The following LRRTM4 variants were observed in gnomAD, a reference collection of about 807,000 sequenced individuals.
LRRTM4 encodes the protein leucine rich repeat transmembrane neuronal 4.
Under a neutral mutation model 47.6 loss-of-function variants are expected in LRRTM4, and 25 were observed. The ratio of observed to expected loss-of-function variants is 0.53; its 90% confidence interval spans 0.38 to 0.73. LRRTM4 has a LOEUF of 0.73. Among genes scored for constraint, LRRTM4 ranks in the 30% least tolerant of loss-of-function variants. The pLI is 0.00. For synonymous variants in LRRTM4, 311 were observed against 269.5 expected (o/e 1.15, Z -1.51); for missense variants, 638 against 713.4 (o/e 0.89, Z 1.20).
At chr2:76,841,391 G>A (rs555456084) in intron 3 of LRRTM4, among the ~76,000 whole-genome samples, 145 of 151,886 alleles carry the variant, frequency 9.5e-4, no homozygotes, top group African/African-American at 3.3e-3. Flanking sequence ...AAGCCTGCAC[G>A]TTGTGCACAT....
chr2:76,964,537 G>T (rs1171116934), intron 3 of LRRTM4, among the ~76,000 whole-genome samples: 1 of 150,632 alleles, frequency 6.6e-6, no homozygotes, highest in Non-Finnish European at 1.5e-5. Context: ...TTCTACAGGG[G>T]TCTGTACTCC....
chr2:77,005,047 C>G (rs1677586072), intron 3 of LRRTM4, among the ~76,000 whole-genome samples: 1 of 152,100 alleles, frequency 6.6e-6, no homozygotes, highest in Non-Finnish European at 1.5e-5. Context: ...ATGGAAGGGA[C>G]TTGCCTCGTC....
chr2:76,978,130 T>C (rs1011250597), intron 3 of LRRTM4, among the ~76,000 whole-genome samples: 1 of 151,982 alleles, frequency 6.6e-6, no homozygotes, highest in Non-Finnish European at 1.5e-5. Flanking sequence ...CCTCTCATAG[T>C]TTTCTTTCTT....
chr2:77,157,469 C>T (rs1672590228), intron 3 of LRRTM4, among the ~76,000 whole-genome samples: 1 of 152,058 alleles, frequency 6.6e-6, no homozygotes, highest in South Asian at 2.1e-4. Context: ...ACTTGTTTTT[C>T]TTGTTTCTGA....
intron 3 of LRRTM4, among the ~76,000 whole-genome samples, chr2:76,752,234 T>C (rs906910061): frequency 2.6e-5 from 4 of 152,164 alleles, no homozygotes; most frequent in Admixed American, 2.0e-4. Flanking sequence ...TAAGTGAACA[T>C]TGTTGAATTT....
At chr2:76,929,650 G>A (rs1225747838) in intron 3 of LRRTM4, among the ~76,000 whole-genome samples, 1 of 152,108 alleles carries the variant, frequency 6.6e-6, no homozygotes, top group Non-Finnish European at 1.5e-5. Context: ...TTAAACAAGT[G>A]AAGTCCAGCA....
chr2:77,476,013 G>A (rs1156405402), intron 3 of LRRTM4, among the ~76,000 whole-genome samples: 1 of 151,370 alleles, frequency 6.6e-6, no homozygotes, highest in Non-Finnish European at 1.5e-5. Flanking sequence ...TAATTTTAAG[G>A]TTTCATACAC....
intron 3 of LRRTM4, among the ~76,000 whole-genome samples, chr2:77,271,329 C>T (rs905192134): frequency 1.3e-5 from 2 of 152,144 alleles, no homozygotes; most frequent in Non-Finnish European, 2.9e-5. Flanking sequence ...CACCATCTAT[C>T]GGACTGCAGA....
At chr2:77,317,240 A>T (rs1330841003) in intron 3 of LRRTM4, among the ~76,000 whole-genome samples, 1 of 152,314 alleles carries the variant, frequency 6.6e-6, no homozygotes, top group Non-Finnish European at 1.5e-5. Context: ...AAGTGTAATT[A>T]TCATATTTGC....
intron 3 of LRRTM4, among the ~76,000 whole-genome samples, chr2:76,900,514 T>G (rs1673588125): frequency 6.6e-6 from 1 of 152,138 alleles, no homozygotes; most frequent in African/African-American, 2.4e-5. Flanking sequence ...TGGTCTTTCT[T>G]GTGTGCCAAA....
In LRRTM4 at chr2:76,962,378, C is replaced by A. The variant is rs1675888421; in HGVS notation, c.1552-213462G>T. 1.3e-5 allele frequency among the ~76,000 whole-genome samples: 2 copies of A among 151,086 alleles called. 1 individual carries two copies. Among genetic ancestry groups the A allele is most frequent in the South Asian group, 4.1e-4 (2 of 4,826 alleles). ...CAATCTTAAGTAATTACATTACCTT[C>A]CACCTCCCTTTTCTCATGCCTCAAT... On this transcript the variant is annotated intron_variant, in intron 3 of 3. Transcript: ENST00000409884.
At chr2:77,423,652 C>T (rs1373948801) in intron 3 of LRRTM4, among the ~76,000 whole-genome samples, 1 of 152,182 alleles carries the variant, frequency 6.6e-6, no homozygotes, top group Non-Finnish European at 1.5e-5. Context: ...AGGGGCAAAA[C>T]TTTCTTTCAA....
chr2:77,285,348 A>ATATATATATATATATATATATG (rs1676624394), intron 3 of LRRTM4, among the ~76,000 whole-genome samples: 1 of 140,022 alleles, frequency 7.1e-6, no homozygotes, highest in East Asian at 2.1e-4. Context: ...ATTTATATAT[A>ATATATATATATATATATATATG]TATATATATA....
At chr2:76,813,012 A>G (rs982873817) in intron 3 of LRRTM4, among the ~76,000 whole-genome samples, 1 of 151,986 alleles carries the variant, frequency 6.6e-6, no homozygotes, top group African/African-American at 2.4e-5. Flanking sequence ...AAAAATACAA[A>G]AAATTAGCTG....
chr2:77,363,671 G>A (rs9309514), intron 3 of LRRTM4, among the ~76,000 whole-genome samples: 1 of 151,896 alleles, frequency 6.6e-6, no homozygotes, highest in Admixed American at 6.6e-5. Flanking sequence ...ATGAATGTGC[G>A]CTTCAAAATG....
At chr2:77,496,604 T>C (rs1308311708) in intron 3 of LRRTM4, among the ~76,000 whole-genome samples, 1 of 151,808 alleles carries the variant, frequency 6.6e-6, no homozygotes, top group East Asian at 1.9e-4. Flanking sequence ...ATATAATGAG[T>C]TACATTGACT....
At chr2:76,833,220 G>A (rs914360783) in intron 3 of LRRTM4, among the ~76,000 whole-genome samples, 1 of 152,106 alleles carries the variant, frequency 6.6e-6, no homozygotes, top group Non-Finnish European at 1.5e-5. Context: ...TGATCATAAA[G>A]GGTGAAGAGT....
At chr2:77,246,994 A>G (rs1675466061) in intron 3 of LRRTM4, among the ~76,000 whole-genome samples, 2 of 152,052 alleles carry the variant, frequency 1.3e-5, no homozygotes, top group African/African-American at 2.4e-5. Flanking sequence ...AATGTTTTAT[A>G]TTTACACCCA....
intron 3 of LRRTM4, among the ~76,000 whole-genome samples, chr2:77,367,569 C>T (rs1309032619): frequency 6.6e-6 from 1 of 151,810 alleles, no homozygotes; most frequent in Non-Finnish European, 1.5e-5. Flanking sequence ...ATTCCCTTTA[C>T]TCTTGGAAAC....
Sources: gnomAD v4.1 joint callset for allele counts (sites outside exome capture counted in the v4.1 genomes callset) on GRCh38, gnomAD v4.1.1 for gene constraint, MANE v1.5 for transcripts, NCBI Gene and HGNC (gene_info 2026-07-23, HGNC 2026-07-21) for gene names.